Variants in MRPL37 observed in about 807,000 individuals in gnomAD.
MRPL37 encodes mitochondrial ribosomal protein L37, also known as large ribosomal subunit protein mL37.
A neutral mutation model predicts 44.1 loss-of-function variants in MRPL37; 34 were observed. The ratio of observed to expected loss-of-function variants is 0.77; its 90% confidence interval spans 0.59 to 1.03. The LOEUF (loss-of-function observed/expected upper bound fraction) is 1.03. MRPL37 is among the 50% of genes least tolerant of loss of function. MRPL37 has a pLI of 0.00. For missense variants in MRPL37, 532 were observed against 543.7 expected (o/e 0.98, Z 0.21); for synonymous variants, 212 against 219.5 (o/e 0.97, Z 0.30).
At chr1:54,225,014 A>C, downstream of MRPL37, 1 of 1,089,190 alleles carries the variant, frequency 9.2e-7, no homozygotes, top group African/African-American at 1.6e-5. Context: ...CCTGGGGTGA[A>C]GCCAGTCCCA....
chr1:54,219,345 A>G (rs1302986792), downstream of MRPL37, among the ~76,000 whole-genome samples: 1 of 152,240 alleles, frequency 6.6e-6, no homozygotes, highest in Non-Finnish European at 1.5e-5. Context: ...AGGCAGTGGC[A>G]AAGTGGCGTC....
rs1401674702 is a variant in MRPL37, at chr1:54,200,424, G to A, written c.181G>A (p.Ala61Thr). The change falls in exon 1 of 7, where the codon GCG becomes ACG. Residue 61 changes from alanine to threonine, a missense_variant. By Grantham distance (58) the Ala-to-Thr change is moderately conservative. Coordinates refer to ENST00000360840, the MANE Select transcript of MRPL37 (RefSeq NM_016491.4). Reference sequence around the variant, plus strand: ...CCCTGGACTGGAGCCCATCACCTTTGCGGGGAAGATGCACTTCGTGCCCTG... The same window carrying A: ...CCCTGGACTGGAGCCCATCACCTTTACGGGGAAGATGCACTTCGTGCCCTG... Reference protein sequence around the residue: ...EIPGLEPITFAGKMHFVPWLA... With the variant: ...EIPGLEPITFTGKMHFVPWLA... 2 of 1,614,150 alleles carry A rather than the reference G, an allele frequency of 1.2e-6. No homozygotes were observed. Among genetic ancestry groups the A allele is most frequent in the Non-Finnish European group, 1.7e-6 (2 of 1,180,066 alleles).
chr1:54,213,736 T>C (rs543068261), intron 5 of MRPL37, among the ~76,000 whole-genome samples: 2 of 152,330 alleles, frequency 1.3e-5, no homozygotes, highest in East Asian at 3.9e-4. Context: ...GTTATGCTGC[T>C]ACAAGCTCGA....
At chr1:54,220,277 G>C (rs1176112844), downstream of MRPL37, among the ~76,000 whole-genome samples, 1 of 152,168 alleles carries the variant, frequency 6.6e-6, no homozygotes, top group East Asian at 1.9e-4. Context: ...GAGGCTCTGA[G>C]TAAGCGGACC....
In MRPL37 at chr1:54,200,368, A is replaced by C. The variant is rs771530185; in HGVS notation, c.125A>C (p.Glu42Ala). 1 of 1,614,068 alleles carries C rather than the reference A, an allele frequency of 6.2e-7. No homozygotes were observed. The highest frequency in any genetic ancestry group is 8.5e-7 in the Non-Finnish European group (1 of 1,179,990). ...GGCGTGCGCTCCACGCGGAAGTCGGAGCCTCCTCCCCTGGATAGGGTGTAC... is the reference window on the plus strand; with the variant it reads ...GGCGTGCGCTCCACGCGGAAGTCGGCGCCTCCTCCCCTGGATAGGGTGTAC... ...EWGVRSTRKSEPPPLDRVYEI... is the reference protein window; with the variant it reads ...EWGVRSTRKSAPPPLDRVYEI... The change falls in exon 1 of 7, where the codon GAG (glutamate) becomes GCG (alanine). Residue 42 changes from glutamate to alanine, a missense_variant. Transcript: ENST00000360840.
chr1:54,218,957 AG>A (rs1310777056), downstream of MRPL37, among the ~76,000 whole-genome samples: 2 of 152,272 alleles, frequency 1.3e-5, no homozygotes, highest in Non-Finnish European at 2.9e-5. Flanking sequence ...GGATAATTTA[AG>A]GAATTTGCCC....
intron 1 of MRPL37, among the ~76,000 whole-genome samples, chr1:54,202,709 G>A (rs1201697223): frequency 6.6e-6 from 1 of 152,048 alleles, no homozygotes; most frequent in African/African-American, 2.4e-5. Context: ...ACACCACATT[G>A]GCCAGGCTGG....
chr1:54,206,274 A>G (rs1433865732), intron 3 of MRPL37, among the ~76,000 whole-genome samples: 1 of 151,346 alleles, frequency 6.6e-6, no homozygotes, highest in Non-Finnish European at 1.5e-5. Flanking sequence ...CACCACGCCC[A>G]GCTAATTTTT....
intron 1 of MRPL37, among the ~76,000 whole-genome samples, chr1:54,204,311 A>G (rs6693202): frequency 0.2 from 29,970 of 151,798 alleles, 3,530 homozygotes; most frequent in East Asian, 0.55. Flanking sequence ...GAACCTGGGA[A>G]GCGGAGGTTG....
downstream of MRPL37, chr1:54,225,198 C>CCCAAATAT: frequency 2.4e-6 from 3 of 1,234,340 alleles, no homozygotes; most frequent in Non-Finnish European, 3.0e-6. Flanking sequence ...TTAGACGGCC[C>CCCAAATAT]CCAAATATTT....
At position 54,205,857 on chromosome 1, in the gene MRPL37, G is replaced by GT. The variant is rs35797474; in HGVS notation, c.646+450dup. 7.1e-3 allele frequency among the ~76,000 whole-genome samples: 1,078 copies of GT among 152,210 alleles called. 9 individuals are homozygous for GT. Among genetic ancestry groups the GT allele is most frequent in the African/African-American group, 0.024 (1,010 of 41,516 alleles). On this transcript the variant is annotated intron_variant, in intron 3 of 6. Coordinates refer to ENST00000360840, the MANE Select transcript of MRPL37 (RefSeq NM_016491.4). ...GTGCAAGTCTTTATGTCCCTGCCCT[G>GT]TTTCAGATCCTTCACTGTCTCCTAG...
intron 6 of MRPL37, among the ~76,000 whole-genome samples, chr1:54,216,704 T>G (rs954460103): frequency 3.3e-5 from 5 of 152,156 alleles, no homozygotes; most frequent in African/African-American, 1.2e-4. Flanking sequence ...CCACTTGTCC[T>G]TCCAGGTTTA....
At chr1:54,211,250 A>T (rs1035222903) in intron 4 of MRPL37, among the ~76,000 whole-genome samples, 1 of 152,024 alleles carries the variant, frequency 6.6e-6, no homozygotes, top group African/African-American at 2.4e-5. Context: ...ACATCTTGAC[A>T]TGTCCCTCCA....
chr1:54,221,846 A>G (rs552282143), downstream of MRPL37, among the ~76,000 whole-genome samples: 1 of 151,212 alleles, frequency 6.6e-6, no homozygotes, highest in East Asian at 1.9e-4. Flanking sequence ...CCCATTTAAT[A>G]AGCACCTACT....
intron 4 of MRPL37, among the ~76,000 whole-genome samples, chr1:54,211,050 C>T (rs1644161543): frequency 6.6e-6 from 1 of 152,182 alleles, no homozygotes; most frequent in South Asian, 2.1e-4. Context: ...CCCTCTCTCA[C>T]CTCCATGCCT....
At chr1:54,210,535 C>T (rs939560761) in intron 4 of MRPL37, among the ~76,000 whole-genome samples, 2 of 152,088 alleles carry the variant, frequency 1.3e-5, no homozygotes, top group Admixed American at 1.3e-4. Flanking sequence ...CTCTGGCCAA[C>T]CCCCTTTAGG....
At chr1:54,211,842 C>G (rs1644167659) in intron 4 of MRPL37, among the ~76,000 whole-genome samples, 1 of 152,184 alleles carries the variant, frequency 6.6e-6, no homozygotes, top group Non-Finnish European at 1.5e-5. Context: ...TGATCCAGAT[C>G]ACTTATTCTA....
downstream of MRPL37, chr1:54,220,794 C>T (rs779117757): frequency 6.4e-6 from 3 of 471,374 alleles, no homozygotes; most frequent in South Asian, 3.1e-5. Context: ...AGTGCTGCGC[C>T]GGGTCATGCT....
intron 4 of MRPL37, among the ~76,000 whole-genome samples, chr1:54,211,639 TG>T (rs1249832597): frequency 6.6e-6 from 1 of 152,094 alleles, no homozygotes; most frequent in Non-Finnish European, 1.5e-5. Flanking sequence ...ACCACAGGCA[TG>T]TGCTACCACA....
Sources: allele counts gnomAD v4.1 joint callset (sites outside exome capture counted in the v4.1 genomes callset), GRCh38; gene constraint gnomAD v4.1.1; transcripts MANE v1.5; gene names NCBI Gene and HGNC (gene_info 2026-07-23, HGNC 2026-07-21).